The following MAN1A2 variants were observed in gnomAD, a reference collection of about 807,000 sequenced individuals.
MAN1A2 encodes the protein mannosidase alpha class 1A member 2.
Under a neutral mutation model 75.7 loss-of-function variants are expected in MAN1A2, and 26 were observed. The observed-to-expected ratio is 0.34, with a 90% CI of 0.25 to 0.48. The LOEUF (loss-of-function observed/expected upper bound fraction) is 0.48. Ranked by LOEUF, MAN1A2 falls within the 20% of genes least tolerant of loss-of-function variation. MAN1A2 has a pLI of 0.99. For synonymous variants in MAN1A2, 247 were observed against 264.6 expected, an observed-to-expected ratio of 0.93 and a Z score of 0.65; for missense variants, 562 against 775.5, an observed-to-expected ratio of 0.72 and a Z score of 3.27.
At chr1:117,499,183 G>A (rs1651125038) in intron 10 of MAN1A2, among the ~76,000 whole-genome samples, 199 bp from the exon 11 acceptor site, 1 of 151,840 alleles carries the variant, frequency 6.6e-6, no homozygotes, top group African/African-American at 2.4e-5. Flanking sequence ...TAGAATAACA[G>A]GAATGTTTAT....
At chr1:117,450,634 C>T (rs1041793847) in intron 6 of MAN1A2, among the ~76,000 whole-genome samples, 22 of 152,134 alleles carry the variant, frequency 1.4e-4, no homozygotes, top group African/African-American at 5.1e-4. Flanking sequence ...TGGGCCAGGC[C>T]CAGGGTCCCC....
At chr1:117,501,682 C>G (rs1361876987) in intron 11 of MAN1A2, among the ~76,000 whole-genome samples, 19 of 151,830 alleles carry the variant, frequency 1.3e-4, no homozygotes, top group Admixed American at 1.3e-3. Context: ...GAGAAAAGCA[C>G]CAAACCCCTT....
At chr1:117,503,192 T>C (rs1651254969) in intron 12 of MAN1A2, among the ~76,000 whole-genome samples, 1 of 151,608 alleles carries the variant, frequency 6.6e-6, no homozygotes, top group Admixed American at 6.6e-5. Context: ...TTAAAATTTT[T>C]TGTTCTTTGC....
In MAN1A2 at chr1:117,499,632, T is replaced by C. The variant is rs141067404; in HGVS notation, c.1677+78T>C. On this transcript the variant is annotated intron_variant, in intron 11 of 12. Transcript: ENST00000356554. ...CTATGATGCCACATACCCTCACCCA[T>C]GTTACCTCATTTTTAGTATCTGTAG... 1,788 of 1,141,982 alleles carry C rather than the reference T, an allele frequency of 1.6e-3. 29 individuals are homozygous for C. The African/African-American group carries it at 0.025, about 16-fold the overall frequency. The allele number at this position is 1,141,982 out of a possible 1,614,324, so 70.7% of individuals were successfully genotyped here.
At position 117,512,183 on chromosome 1, in the gene MAN1A2, A is replaced by AC. The variant is rs576256808; in HGVS notation, c.1793+9216dup. On this transcript the variant is annotated intron_variant, in intron 12 of 12. Transcript: ENST00000356554. ...AGAATTGATAAAGCAAGAAGAAGGG[A>AC]CCCAAGGCAAAATGTGAAAGCTGAG... Among the ~76,000 whole-genome samples, 66 of 152,200 alleles carry AC rather than the reference A, an allele frequency of 4.3e-4. No individual in the cohort carries two copies. The East Asian group carries it at 0.013, about 29-fold the overall frequency.
At chr1:117,507,558 G>A (rs1332776298) in intron 12 of MAN1A2, among the ~76,000 whole-genome samples, 1 of 151,668 alleles carries the variant, frequency 6.6e-6, no homozygotes, top group East Asian at 1.9e-4. Flanking sequence ...GAGGACAGAG[G>A]CTCTGAGAGA....
At position 117,526,880 on chromosome 1, in the gene MAN1A2, C is replaced by CTCTATATATA; in HGVS notation, c.*3924_*3925insCTATATATAT. ...TCTCTCTCTCTCTCTCTCTCTCTCT[C>CTCTATATATA]TATATATATATATATATATATATAT... On this transcript the variant is annotated 3_prime_UTR_variant, in exon 13 of 13. Transcript: ENST00000356554. The CTCTATATATA allele has an allele frequency of 2.8e-3, 155 of 54,500 alleles. No individual in the cohort carries two copies. The highest frequency in any genetic ancestry group is 3.3e-3 in the Non-Finnish European group (97 of 29,146). 3.4% of individuals were successfully genotyped at this position (54,500 alleles called of 1,614,324 possible).
intron 8 of MAN1A2, among the ~76,000 whole-genome samples, chr1:117,484,027 C>G (rs1010433755): frequency 6.6e-6 from 1 of 151,856 alleles, no homozygotes; most frequent in African/African-American, 2.4e-5. Context: ...TTGAACAACA[C>G]AGGGGGGTTA....
intron 11 of MAN1A2, among the ~76,000 whole-genome samples, chr1:117,499,788 A>C (rs978843497): frequency 4.0e-5 from 6 of 149,526 alleles, no homozygotes; most frequent in African/African-American, 9.8e-5. Flanking sequence ...TATATTTCAA[A>C]GGAGGAATTT....
intron 8 of MAN1A2, among the ~76,000 whole-genome samples, chr1:117,474,758 G>A (rs1018059522): frequency 6.6e-6 from 1 of 151,790 alleles, no homozygotes; most frequent in African/African-American, 2.4e-5. Flanking sequence ...TTTTAAAATA[G>A]GTGTACACCT....
At chr1:117,425,820 C>G (rs1648350337) in intron 5 of MAN1A2, among the ~76,000 whole-genome samples, 1 of 152,108 alleles carries the variant, frequency 6.6e-6, no homozygotes, top group Non-Finnish European at 1.5e-5. Flanking sequence ...ACATTGCTAC[C>G]ACTTTTACCT....
chr1:117,484,538 T>TG (rs1194728299), intron 8 of MAN1A2, among the ~76,000 whole-genome samples: 1 of 152,024 alleles, frequency 6.6e-6, no homozygotes, highest in Non-Finnish European at 1.5e-5. Context: ...TACTGCAATA[T>TG]GCAATTTACT....
At chr1:117,438,430 C>T (rs777707639) in intron 5 of MAN1A2, among the ~76,000 whole-genome samples, 1 of 152,052 alleles carries the variant, frequency 6.6e-6, no homozygotes, top group Admixed American at 6.6e-5. Context: ...GGTAAGGTTA[C>T]AGTAAGCCAA....
In MAN1A2 at chr1:117,442,337, T is replaced by G; in HGVS notation, c.950+12T>G. On this transcript the variant is annotated intron_variant, in intron 6 of 12. Coordinates refer to ENST00000356554, the MANE Select transcript of MAN1A2 (RefSeq NM_006699.5). ...GTGAATTTGAAAAGGTAACTCTATGTGGGTATTCTTATTCTGGAAGAATTA... is the reference window on the plus strand; with the variant it reads ...GTGAATTTGAAAAGGTAACTCTATGGGGGTATTCTTATTCTGGAAGAATTA... 1 of 1,520,096 alleles carries G rather than the reference T, an allele frequency of 6.6e-7. No individual in the cohort carries two copies. The highest frequency in any genetic ancestry group is 2.3e-5 in the East Asian group (1 of 44,384). 94.2% of individuals were successfully genotyped at this position (1,520,096 alleles called of 1,614,324 possible). A position where few individuals can be genotyped will look rare whatever the true frequency, so the allele number is the denominator to read the frequency against.
intron 3 of MAN1A2, among the ~76,000 whole-genome samples, chr1:117,412,543 CTTAGAATA>C (rs1159481291): frequency 6.6e-6 from 1 of 151,038 alleles, no homozygotes; most frequent in Non-Finnish European, 1.5e-5. Context: ...TTTTTTCTTT[CTTAGAATA>C]TTCAGTTATT....
At chr1:117,408,020 C>A (rs1647669662) in intron 3 of MAN1A2, among the ~76,000 whole-genome samples, 1 of 152,082 alleles carries the variant, frequency 6.6e-6, no homozygotes, top group South Asian at 2.1e-4. Context: ...GGGACATGTT[C>A]TTTTTGTTTT....
intron 6 of MAN1A2, among the ~76,000 whole-genome samples, chr1:117,445,845 T>A (rs1301809493): frequency 1.4e-5 from 1 of 73,734 alleles, no homozygotes; most frequent in East Asian, 3.1e-4. Context: ...CATATTTGTG[T>A]GTGTGTGTGT....
chr1:117,368,599 A>G, intron 1 of MAN1A2, 114 bp downstream of exon 1: 5 of 962,994 alleles, frequency 5.2e-6, no homozygotes, highest in Admixed American at 2.4e-5. Flanking sequence ...CGAGTCATAA[A>G]TATTGTATTG....
intron 6 of MAN1A2, among the ~76,000 whole-genome samples, chr1:117,446,480 A>AT (rs1013058364): frequency 4.0e-5 from 6 of 151,774 alleles, no homozygotes; most frequent in Admixed American, 1.3e-4. Flanking sequence ...AGAAATTTTG[A>AT]TTTTTTTTGT....
Sources: gnomAD v4.1 joint callset for allele counts (sites outside exome capture counted in the v4.1 genomes callset) on GRCh38, gnomAD v4.1.1 for gene constraint, MANE v1.5 for transcripts, NCBI Gene and HGNC (gene_info 2026-07-23, HGNC 2026-07-21) for gene names.